The following GRM1 variants were observed in gnomAD, a reference collection of about 807,000 sequenced individuals.
GRM1 encodes glutamate metabotropic receptor 1, also known as metabotropic glutamate receptor 1.
In GRM1, 33 loss-of-function variants were observed where a neutral mutation model predicts 90.9. That is an observed-to-expected ratio of 0.36 (90% CI 0.28 to 0.49). The LOEUF (loss-of-function observed/expected upper bound fraction) is 0.49, where lower values mean the gene tolerates loss of function less well. Among genes scored for constraint, GRM1 ranks in the 20% least tolerant of loss-of-function variants. The probability of loss-of-function intolerance (pLI) is 0.99; values close to 1 mark genes in which losing one functional copy is unlikely to be tolerated. For missense variants in GRM1, 1,190 were observed against 1,534.3 expected (o/e 0.78, Z 3.75); for synonymous variants, 700 against 613.2 (o/e 1.14, Z -2.09).
intron 1 of GRM1, among the ~76,000 whole-genome samples, chr6:146,134,199 C>T (rs928468210): frequency 6.6e-6 from 1 of 152,174 alleles, no homozygotes; most frequent in Admixed American, 6.5e-5. Context: ...GCTGTGTTCT[C>T]CTCTCTCCCA....
intron 1 of GRM1, among the ~76,000 whole-genome samples, chr6:146,045,545 G>A (rs192822859): frequency 3.3e-5 from 5 of 151,986 alleles, no homozygotes; most frequent in Admixed American, 3.3e-4. Context: ...TTCTGCCTTA[G>A]TAAGGGGTTT....
At chr6:146,196,574 G>A (rs2114600935) in intron 2 of GRM1, among the ~76,000 whole-genome samples, 1 of 151,140 alleles carries the variant, frequency 6.6e-6, no homozygotes, top group East Asian at 2.0e-4. Context: ...CAAAGTGCTG[G>A]GATTACAGGC....
At chr6:146,080,615 A>T (rs182696940) in intron 1 of GRM1, among the ~76,000 whole-genome samples, 1 of 148,732 alleles carries the variant, frequency 6.7e-6, no homozygotes, top group Admixed American at 6.7e-5. Flanking sequence ...TGTGGTCCTC[A>T]GGTAATTCAG....
At chr6:146,417,768 TTTC>T (rs1367444632) in intron 7 of GRM1, among the ~76,000 whole-genome samples, 1 of 152,192 alleles carries the variant, frequency 6.6e-6, no homozygotes, top group East Asian at 1.9e-4. Flanking sequence ...TAAATAATTA[TTTC>T]TTCTTTTCAA....
chr6:146,314,336 A>G (rs975719381), intron 3 of GRM1, among the ~76,000 whole-genome samples: 6 of 151,698 alleles, frequency 4.0e-5, no homozygotes, highest in African/African-American at 1.5e-4. Context: ...TTGGCCTCCC[A>G]AAGTGCTGGA....
chr6:146,330,310 G>A (rs140484449), intron 3 of GRM1, among the ~76,000 whole-genome samples: 1 of 152,220 alleles, frequency 6.6e-6, no homozygotes, highest in East Asian at 1.9e-4. Flanking sequence ...AGTTACTCAG[G>A]ATCTAAAGAG....
intron 1 of GRM1, among the ~76,000 whole-genome samples, chr6:146,118,079 A>G (rs1775825832): frequency 6.6e-6 from 1 of 150,384 alleles, no homozygotes; most frequent in Admixed American, 6.6e-5. Context: ...CAAACTTTGT[A>G]TGTCTTTATA....
intron 3 of GRM1, among the ~76,000 whole-genome samples, chr6:146,305,383 T>C (rs1783539772): frequency 6.6e-6 from 1 of 152,134 alleles, no homozygotes. Context: ...TACTCACTGA[T>C]GCCATGACAG....
chr6:146,243,192 C>T (rs1780929628), intron 2 of GRM1, among the ~76,000 whole-genome samples: 1 of 151,972 alleles, frequency 6.6e-6, no homozygotes, highest in Admixed American at 6.6e-5. Context: ...AGTGGCCTTT[C>T]ATCAGTGAAA....
Position 146,029,521 on chromosome 6 carries a change from G to A in GRM1, c.4G>A (p.Val2Ile), listed in dbSNP as rs770846159. 1.2e-6 allele frequency: 2 copies of A among 1,613,472 alleles called. No individual in the cohort carries two copies. Among genetic ancestry groups the A allele is most frequent in the Non-Finnish European group, 1.7e-6 (2 of 1,179,496 alleles). MVGLLLFFFPAI... is the reference protein window; with the variant it reads MIGLLLFFFPAI... ...TGTGGACCTCGTCCTCACCACCATGGTCGGGCTCCTTTTGTTTTTTTTCCC... is the reference window on the plus strand; with the variant it reads ...TGTGGACCTCGTCCTCACCACCATGATCGGGCTCCTTTTGTTTTTTTTCCC... Residue 2 changes from valine to isoleucine, a missense_variant, in exon 1 of 8, where the codon GTC becomes ATC. Coordinates refer to ENST00000282753, the MANE Select transcript of GRM1 (RefSeq NM_001278064.2).
chr6:146,424,430 C>G (rs763138592), intron 7 of GRM1, among the ~76,000 whole-genome samples: 5 of 152,156 alleles, frequency 3.3e-5, no homozygotes, highest in African/African-American at 7.2e-5. Flanking sequence ...GACAAGAGTC[C>G]GAAAATCCCA....
intron 1 of GRM1, among the ~76,000 whole-genome samples, chr6:146,149,453 G>A (rs1777236052): frequency 6.6e-6 from 1 of 152,170 alleles, no homozygotes; most frequent in Non-Finnish European, 1.5e-5. Flanking sequence ...GAAAGACGTG[G>A]AGAATATTCC....
At chr6:146,376,058 A>C (rs969488359) in intron 5 of GRM1, among the ~76,000 whole-genome samples, 1 of 151,648 alleles carries the variant, frequency 6.6e-6, no homozygotes, top group Non-Finnish European at 1.5e-5. Flanking sequence ...TTTTTGTTTT[A>C]AGGTTACAAT....
At chr6:146,238,117 G>A (rs1157417640) in intron 2 of GRM1, among the ~76,000 whole-genome samples, 1 of 152,200 alleles carries the variant, frequency 6.6e-6, no homozygotes, top group East Asian at 1.9e-4. Flanking sequence ...GATCCAATCT[G>A]TCTGCTCAGC....
At chr6:146,383,437 A>G (rs1316230448) in intron 5 of GRM1, among the ~76,000 whole-genome samples, 3 of 152,168 alleles carry the variant, frequency 2.0e-5, no homozygotes, top group Non-Finnish European at 4.4e-5. Flanking sequence ...GCTTATCCCA[A>G]TTAAAATAAG....
At chr6:146,109,144 A>G (rs1171927228) in intron 1 of GRM1, among the ~76,000 whole-genome samples, 3 of 152,210 alleles carry the variant, frequency 2.0e-5, no homozygotes, top group Admixed American at 6.5e-5. Flanking sequence ...AGTAATGAGG[A>G]GCCAAATGTT....
At chr6:146,386,512 T>C (rs1213884739) in intron 5 of GRM1, among the ~76,000 whole-genome samples, 1 of 152,120 alleles carries the variant, frequency 6.6e-6, no homozygotes, top group Admixed American at 6.6e-5. Flanking sequence ...ACTTTTTTAG[T>C]AAAACATTAC....
intron 3 of GRM1, among the ~76,000 whole-genome samples, chr6:146,312,447 T>A (rs938756748): frequency 1.9e-4 from 29 of 151,694 alleles, no homozygotes; most frequent in African/African-American, 7.0e-4. Flanking sequence ...AGACAAATTT[T>A]AGCATAGAGT....
chr6:146,260,292 G>A (rs1462685669), intron 2 of GRM1, among the ~76,000 whole-genome samples: 1 of 152,002 alleles, frequency 6.6e-6, no homozygotes, highest in Non-Finnish European at 1.5e-5. Flanking sequence ...GAGAATGATG[G>A]TTTCCAGCTT....
Sources: gnomAD v4.1 joint callset for allele counts (sites outside exome capture counted in the v4.1 genomes callset) on GRCh38, gnomAD v4.1.1 for gene constraint, MANE v1.5 for transcripts, NCBI Gene and HGNC (gene_info 2026-07-23, HGNC 2026-07-21) for gene names.